LINC00632: variants seen among roughly 807,000 people sequenced by gnomAD.
LINC00632 encodes the protein long independently transcribed non-coding RNA 632, also known as ALDOA related specific transcript.
At chrX:140,723,878 A>ACACAT (rs1930827158) in intron 2 of LINC00632, among the ~76,000 whole-genome samples, 1 of 8,350 alleles carries the variant, frequency 1.2e-4, no homozygotes, top group Admixed American at 1.3e-3. Flanking sequence ...CACCTTCCAT[A>ACACAT]GCAACAGACA....
At chrX:140,735,268 T>C (rs781456137) in intron 3 of LINC00632, among the ~76,000 whole-genome samples, 7 of 111,449 alleles carry the variant, frequency 6.3e-5, no homozygotes, top group Non-Finnish European at 1.3e-4. Context: ...ATTAAAAAAA[T>C]TTTAACTAAA....
At chrX:140,724,855 TAC>T (rs769287553) in intron 2 of LINC00632, among the ~76,000 whole-genome samples, 132 of 3,931 alleles carry the variant, frequency 0.034, no homozygotes, top group Middle Eastern at 0.067. Flanking sequence ...ACATTCCATA[TAC>T]ACACACAGAC....
chrX:140,744,217 C>A (rs1479244935), intron 3 of LINC00632, among the ~76,000 whole-genome samples: 1 of 110,821 alleles, frequency 9.0e-6, no homozygotes, highest in Non-Finnish European at 1.9e-5. Flanking sequence ...TCAGAGACTT[C>A]CAGCTGCTTC....
chrX:140,768,647 T>A (rs1051092680), intron 3 of LINC00632, among the ~76,000 whole-genome samples: 9 of 32,896 alleles, frequency 2.7e-4, no homozygotes, highest in Non-Finnish European at 8.1e-4. Flanking sequence ...TATAATATAT[T>A]TATTATATAT....
At chrX:140,774,803 A>AT (rs759731718) in exon 5 of LINC00632, among the ~76,000 whole-genome samples, 1 of 111,067 alleles carries the variant, frequency 9.0e-6, no homozygotes, top group East Asian at 2.8e-4. Flanking sequence ...TCCTTGCCTC[A>AT]TTTTTTCCTA....
exon 5 of LINC00632, chrX:140,784,144 A>G (rs778538210): frequency 8.3e-7 from 1 of 1,211,161 alleles, no homozygotes; most frequent in Non-Finnish European, 1.1e-6. Flanking sequence ...TCTTCCCTCA[A>G]ATCCATAGCT....
chrX:140,771,686 T>TATA (rs35482755), intron 3 of LINC00632, among the ~76,000 whole-genome samples: 856 of 66,710 alleles, frequency 0.013, 30 homozygotes, highest in African/African-American at 0.04. Flanking sequence ...TATATATATA[T>TATA]TTTTTTTTTT....
intron 2 of LINC00632, among the ~76,000 whole-genome samples, chrX:140,724,886 TTCCATACAC>T (rs1930902122): frequency 1.5e-5 from 1 of 66,406 alleles, no homozygotes; most frequent in African/African-American, 6.1e-5. Context: ...TACACACACA[TTCCATACAC>T]ACACACACAC....
chrX:140,740,101 T>C (rs1931202304), intron 3 of LINC00632, among the ~76,000 whole-genome samples: 1 of 111,418 alleles, frequency 9.0e-6, no homozygotes, highest in Non-Finnish European at 1.9e-5. Flanking sequence ...GTGGGAGGGC[T>C]AGGGAAGAAT....
At chrX:140,750,427 C>T (rs774957831) in intron 3 of LINC00632, among the ~76,000 whole-genome samples, 2 of 110,100 alleles carry the variant, frequency 1.8e-5, no homozygotes, top group African/African-American at 3.3e-5. Flanking sequence ...ACAAAAATAA[C>T]TATGTGAGGT....
chrX:140,786,200 T>C (rs941013811), exon 5 of LINC00632, among the ~76,000 whole-genome samples: 6 of 112,401 alleles, frequency 5.3e-5, no homozygotes, highest in Non-Finnish European at 1.1e-4. Context: ...AGAAATACCT[T>C]CTGAATGTCT....
intron 2 of LINC00632, among the ~76,000 whole-genome samples, chrX:140,723,476 TAC>T (rs1180222641): frequency 2.2e-3 from 2 of 889 alleles, no homozygotes; most frequent in Non-Finnish European, 4.2e-3. Flanking sequence ...TCCATACACA[TAC>T]ACACACATTC....
At chrX:140,759,534 T>C (rs765279779) in intron 3 of LINC00632, among the ~76,000 whole-genome samples, 54 of 109,053 alleles carry the variant, frequency 5.0e-4, no homozygotes, top group Non-Finnish European at 8.7e-4. Context: ...TTAAATTTTT[T>C]TTTTTGTTTA....
At chrX:140,762,739 C>T (rs369490333) in intron 3 of LINC00632, among the ~76,000 whole-genome samples, 21 of 112,132 alleles carry the variant, frequency 1.9e-4, no homozygotes, top group African/African-American at 4.9e-4. Flanking sequence ...TTACTATAAA[C>T]GTTTATTTAT....
chrX:140,725,047 TCATTCCATACACACACAGACA>T (rs1930915607), intron 2 of LINC00632, among the ~76,000 whole-genome samples: 1 of 2,317 alleles, frequency 4.3e-4, no homozygotes, highest in Admixed American at 5.1e-3. Context: ...ACACACAGAA[TCATTCCATACACACACAGACA>T]CATTCCATAC....
chrX:140,740,457 G>A (rs1419692702), intron 3 of LINC00632, among the ~76,000 whole-genome samples: 1 of 110,919 alleles, frequency 9.0e-6, no homozygotes, highest in Admixed American at 9.7e-5. Context: ...ACATAAAATC[G>A]AGATTTGTCA....
At chrX:140,745,406 A>G (rs771096685) in intron 3 of LINC00632, among the ~76,000 whole-genome samples, 2 of 110,560 alleles carry the variant, frequency 1.8e-5, no homozygotes, top group East Asian at 5.8e-4. Flanking sequence ...GTTTTTCTCA[A>G]TCCTCATTTG....
At chrX:140,743,427 C>A (rs1262802176) in intron 3 of LINC00632, among the ~76,000 whole-genome samples, 1 of 109,113 alleles carries the variant, frequency 9.2e-6, no homozygotes, top group Non-Finnish European at 1.9e-5. Flanking sequence ...TCAGCTTCTG[C>A]AGTAAGAGAG....
rs755574695 is a variant in LINC00632, at chrX:140,731,622, T to A, written n.105-2256T>A. On this transcript the variant is annotated intron_variant and non_coding_transcript_variant, in intron 2 of 4. Coordinates refer to ENST00000648200, the Ensembl canonical transcript of LINC00632. ...CATCTTAATCTAACAAGCAAGAATG[T>A]ACAGGCACAGACACCGACTCACACC... Among the ~76,000 whole-genome samples the A allele has an allele frequency of 3.6e-5, 4 of 112,074 alleles. No individual in the cohort carries two copies. The South Asian group carries it at 1.5e-3, about 42-fold the overall frequency.
Sources: allele counts gnomAD v4.1 joint callset (sites outside exome capture counted in the v4.1 genomes callset), GRCh38; gene constraint gnomAD v4.1.1; transcripts MANE v1.5; gene names NCBI Gene and HGNC (gene_info 2026-07-23, HGNC 2026-07-21).